The following PDLIM5 variants were observed in gnomAD, a reference collection of about 807,000 sequenced individuals.
PDLIM5 encodes the protein PDZ and LIM domain 5.
A neutral mutation model predicts 64.2 loss-of-function variants in PDLIM5; 34 were observed. That is an observed-to-expected ratio of 0.53 (90% CI 0.40 to 0.71). The LOEUF (loss-of-function observed/expected upper bound fraction) is 0.71, where lower values mean the gene tolerates loss of function less well. PDLIM5 is among the 30% of genes least tolerant of loss of function. The pLI is 0.00. For missense variants in PDLIM5, 683 were observed against 733.6 expected (o/e 0.93, Z 0.80); for synonymous variants, 253 against 269.1 (o/e 0.94, Z 0.59).
rs67013211 is a variant in PDLIM5, at chr4:94,478,890, GTTTTTT to G, written c.96+23528_96+23533del. Among the ~76,000 whole-genome samples, 346 of 94,068 alleles carry G rather than the reference GTTTTTT, an allele frequency of 3.7e-3. 4 individuals are homozygous for G. Among genetic ancestry groups the G allele is most frequent in the South Asian group, 0.015 (38 of 2,508 alleles). The allele number at this position is 94,068 out of a possible 152,430, so 61.7% of individuals were successfully genotyped here. On this transcript the variant is annotated intron_variant, in intron 2 of 12. Transcript: ENST00000317968. ...CCAAAAGAAGGTAGGTGTGCTTGGT[GTTTTTT>G]TTTTTTTTTTTTTTTTTTTTTAAGA...
At chr4:94,567,119 A>C (rs1164782238) in intron 3 of PDLIM5, among the ~76,000 whole-genome samples, 5 of 152,184 alleles carry the variant, frequency 3.3e-5, no homozygotes, top group Non-Finnish European at 7.4e-5. Flanking sequence ...CAGCCTCCCG[A>C]GTAGCTGGGA....
chr4:94,503,356 T>C (rs1010009151), intron 2 of PDLIM5, among the ~76,000 whole-genome samples: 8 of 152,222 alleles, frequency 5.3e-5, no homozygotes, highest in African/African-American at 1.9e-4. Flanking sequence ...ATTCAGTGTT[T>C]AAATTATTAC....
intron 3 of PDLIM5, among the ~76,000 whole-genome samples, chr4:94,525,722 G>T (rs192261273): frequency 1.2e-4 from 18 of 152,286 alleles, no homozygotes; most frequent in African/African-American, 4.3e-4. Context: ...GACTTTCTAA[G>T]CAGTTTCCTC....
chr4:94,651,004 C>A (rs1388838798), intron 9 of PDLIM5, among the ~76,000 whole-genome samples: 1 of 152,134 alleles, frequency 6.6e-6, no homozygotes, highest in Admixed American at 6.5e-5. Flanking sequence ...ATACTTAATT[C>A]CACTCTGCAG....
chr4:94,510,624 T>C (rs1193740829), intron 2 of PDLIM5, among the ~76,000 whole-genome samples: 2 of 152,208 alleles, frequency 1.3e-5, no homozygotes, highest in Non-Finnish European at 2.9e-5. Context: ...AGTTTTGCAA[T>C]GATCTCGTCT....
At chr4:94,585,498 T>G in intron 5 of PDLIM5, 67 bp from the exon 6 acceptor site, 1 of 863,126 alleles carries the variant, frequency 1.2e-6, no homozygotes, top group Non-Finnish European at 1.7e-6. Flanking sequence ...AATAATTTAG[T>G]AGAAGATATT....
At chr4:94,542,360 C>G (rs1184297358) in intron 3 of PDLIM5, among the ~76,000 whole-genome samples, 1 of 146,216 alleles carries the variant, frequency 6.8e-6, no homozygotes, top group Non-Finnish European at 1.5e-5. Flanking sequence ...AGTGGTCCCT[C>G]TTTGCTCTCC....
chr4:94,545,911 A>G (rs1732272563), intron 3 of PDLIM5, among the ~76,000 whole-genome samples: 1 of 152,184 alleles, frequency 6.6e-6, no homozygotes, highest in Non-Finnish European at 1.5e-5. Flanking sequence ...GCAGCCTTCA[A>G]AAGTATATTT....
chr4:94,455,722 A>T, intron 2 of PDLIM5: 1 of 1,435,724 alleles, frequency 7.0e-7, no homozygotes, highest in Non-Finnish European at 9.5e-7. Context: ...AGGTTGTGCT[A>T]TGGGATTTTA....
intron 7 of PDLIM5, among the ~76,000 whole-genome samples, chr4:94,600,207 C>G (rs12648941): frequency 0.45 from 68,704 of 152,032 alleles, 16,151 homozygotes; most frequent in South Asian, 0.75. Flanking sequence ...GTGCTTGGCA[C>G]AAAGTGGGAA....
At chr4:94,482,398 G>T (rs1005881579) in intron 2 of PDLIM5, among the ~76,000 whole-genome samples, 6 of 151,746 alleles carry the variant, frequency 4.0e-5, no homozygotes, top group African/African-American at 1.5e-4. Context: ...TTCAATATTG[G>T]TTTGTGCATC....
At chr4:94,457,248 T>G in intron 2 of PDLIM5, 1 of 667,582 alleles carries the variant, frequency 1.5e-6, no homozygotes, top group Non-Finnish European at 1.9e-6. Flanking sequence ...CTTTAATTTA[T>G]CATCAATTTC....
intron 7 of PDLIM5, among the ~76,000 whole-genome samples, chr4:94,599,574 T>A (rs1469315519): frequency 6.6e-6 from 1 of 152,178 alleles, no homozygotes; most frequent in Non-Finnish European, 1.5e-5. Flanking sequence ...ATATTCTAGG[T>A]GTAAGGCTTA....
chr4:94,514,466 A>G (rs1729196766), intron 2 of PDLIM5, among the ~76,000 whole-genome samples: 2 of 152,074 alleles, frequency 1.3e-5, no homozygotes, highest in Non-Finnish European at 2.9e-5. Context: ...GGATTTTTGC[A>G]TCAATGTTCA....
intron 3 of PDLIM5, among the ~76,000 whole-genome samples, chr4:94,531,317 A>T (rs1420684423): frequency 6.6e-6 from 1 of 152,124 alleles, no homozygotes; most frequent in Admixed American, 6.6e-5. Context: ...ACAAACATGT[A>T]TTGACATGCT....
chr4:94,475,710 A>C (rs1411933778), intron 2 of PDLIM5, among the ~76,000 whole-genome samples: 1 of 152,222 alleles, frequency 6.6e-6, no homozygotes, highest in African/African-American at 2.4e-5. Context: ...GAATATACTT[A>C]ACATTACTAA....
chr4:94,462,066 A>G (rs889347672), intron 2 of PDLIM5, among the ~76,000 whole-genome samples: 2 of 152,112 alleles, frequency 1.3e-5, no homozygotes, highest in Non-Finnish European at 2.9e-5. Flanking sequence ...GAGTTTCACC[A>G]TGTTGGCCAG....
At chr4:94,574,349 T>A (rs111920362) in intron 4 of PDLIM5, among the ~76,000 whole-genome samples, 1 of 151,902 alleles carries the variant, frequency 6.6e-6, no homozygotes, top group Non-Finnish European at 1.5e-5. Flanking sequence ...AATACAAAAA[T>A]TAGCTGGGCA....
At chr4:94,454,040 A>G (rs1211733828) in intron 1 of PDLIM5, among the ~76,000 whole-genome samples, 1 of 152,200 alleles carries the variant, frequency 6.6e-6, no homozygotes, top group African/African-American at 2.4e-5. Flanking sequence ...CTTTAAATAT[A>G]CCTATGGCTC....
Sources: allele counts gnomAD v4.1 joint callset (sites outside exome capture counted in the v4.1 genomes callset), GRCh38; gene constraint gnomAD v4.1.1; transcripts MANE v1.5; gene names NCBI Gene and HGNC (gene_info 2026-07-23, HGNC 2026-07-21).